Variants in RPE observed in about 807,000 individuals in gnomAD.
RPE encodes the protein ribulose-phosphate 3-epimerase.
A neutral mutation model predicts 24.6 loss-of-function variants in RPE; 16 were observed. The ratio of observed to expected loss-of-function variants is 0.65; its 90% confidence interval spans 0.44 to 0.99. The LOEUF is 0.99. Among genes scored for constraint, RPE ranks in the 50% least tolerant of loss-of-function variants. The probability of loss-of-function intolerance (pLI) is 0.00; values close to 1 mark genes in which losing one functional copy is unlikely to be tolerated. For synonymous variants in RPE, 93 were observed against 98.4 expected (o/e 0.94, Z 0.33); for missense variants, 240 against 294.5 (o/e 0.81, Z 1.35).
intron 1 of RPE, chr2:210,003,585 C>T: frequency 2.0e-6 from 1 of 498,950 alleles, no homozygotes; most frequent in Non-Finnish European, 3.3e-6. Context: ...AGTAAGACTC[C>T]CTCAAGATTA....
At chr2:210,004,153 C>G (rs2093599759) in intron 1 of RPE, among the ~76,000 whole-genome samples, 1 of 152,152 alleles carries the variant, frequency 6.6e-6, no homozygotes, top group Non-Finnish European at 1.5e-5. Flanking sequence ...GAGAAAATAC[C>G]TAGAGGGTCA....
intron 2 of RPE, among the ~76,000 whole-genome samples, chr2:210,015,188 T>C (rs1022738714): frequency 2.6e-5 from 4 of 152,228 alleles, no homozygotes; most frequent in Non-Finnish European, 5.9e-5. Context: ...TGGAGGATCC[T>C]CTTATCCTCC....
intron 5 of RPE, chr2:210,018,514 T>C: frequency 1.0e-6 from 1 of 985,270 alleles, no homozygotes. Context: ...CACAGTGTGA[T>C]GTATCTACTT....
At chr2:210,010,104 CT>C (rs2093681093) in intron 2 of RPE, among the ~76,000 whole-genome samples, 1 of 152,206 alleles carries the variant, frequency 6.6e-6, no homozygotes. Flanking sequence ...ACTATAAACT[CT>C]CTGAGGGCGG....
At chr2:210,017,730 ATGCTTTTTTTT>A (rs1283606271) in intron 5 of RPE, 171 bp downstream of exon 5, 158 of 376,442 alleles carry the variant, frequency 4.2e-4, no homozygotes, top group South Asian at 4.1e-3. Flanking sequence ...ATAAGTGGAT[ATGCTTTTTTTT>A]TTTTTTTTTT....
At position 210,019,775 on chromosome 2, in the gene RPE, G is replaced by A. The variant is rs761144786; in HGVS notation, c.671G>A (p.Arg224His). ...RNVCSEAAQK[R>H]SLDR Reference sequence around the variant, plus strand: ...GTTTGCTCAGAAGCTGCTCAGAAACGTTCTCTTGATCGGTGAAACCATAAG... The same window carrying A: ...GTTTGCTCAGAAGCTGCTCAGAAACATTCTCTTGATCGGTGAAACCATAAG... The change falls in exon 6 of 6, where the codon CGT (arginine) becomes CAT (histidine). Residue 224 changes from arginine (R) to histidine (H), a missense_variant. Physicochemically the swap from Arg to His is conservative, Grantham distance 29. Coordinates refer to ENST00000359429, the MANE Select transcript of RPE (RefSeq NM_199229.3). The A allele has an allele frequency of 6.2e-7, 1 of 1,612,572 alleles. No individual in the cohort carries two copies. Among genetic ancestry groups the A allele is most frequent in the Non-Finnish European group, 8.5e-7 (1 of 1,179,078 alleles).
chr2:210,009,020 C>A (rs1461061287), intron 1 of RPE, among the ~76,000 whole-genome samples: 2 of 152,132 alleles, frequency 1.3e-5, no homozygotes, highest in South Asian at 2.1e-4. Flanking sequence ...GAATCCACTT[C>A]CACAAATTAT....
At chr2:210,012,694 A>G (rs1369046761) in intron 2 of RPE, among the ~76,000 whole-genome samples, 10 of 152,246 alleles carry the variant, frequency 6.6e-5, no homozygotes. Context: ...CATTTAAAAA[A>G]TATTAACTAA....
At chr2:210,003,363 C>T (rs964100089) in intron 1 of RPE, 8 of 822,168 alleles carry the variant, frequency 9.7e-6, no homozygotes, top group Non-Finnish European at 1.4e-5. Context: ...CAGTGCCTGG[C>T]GTATATTAAG....
chr2:210,003,854 A>C (rs1043010858), intron 1 of RPE, among the ~76,000 whole-genome samples: 1 of 152,144 alleles, frequency 6.6e-6, no homozygotes, highest in Non-Finnish European at 1.5e-5. Flanking sequence ...CCATTGCTCT[A>C]TGTGGTTAAA....
chr2:210,017,825 A>G (rs2093798731), intron 5 of RPE: 1 of 597,878 alleles, frequency 1.7e-6, no homozygotes, highest in Non-Finnish European at 3.0e-6. Flanking sequence ...GCTCACTGCA[A>G]TCTCTGCCTG....
At chr2:210,006,178 C>G (rs2093628301) in intron 1 of RPE, among the ~76,000 whole-genome samples, 5 of 152,162 alleles carry the variant, frequency 3.3e-5, no homozygotes. Context: ...TGAAGTTTCT[C>G]TCTGTTAAGT....
At chr2:210,012,681 T>C (rs886815432) in intron 2 of RPE, among the ~76,000 whole-genome samples, 3 of 152,230 alleles carry the variant, frequency 2.0e-5, no homozygotes, top group Admixed American at 2.0e-4. Flanking sequence ...GCTATTTTAA[T>C]GACATTTAAA....
At chr2:210,015,198 C>T (rs2093753789) in intron 2 of RPE, among the ~76,000 whole-genome samples, 1 of 152,172 alleles carries the variant, frequency 6.6e-6, no homozygotes, top group Non-Finnish European at 1.5e-5. Flanking sequence ...TCTTATCCTC[C>T]ACATCTCATC....
intron 3 of RPE, 23 bp from the exon 4 acceptor site, chr2:210,016,484 T>C (rs748522763): frequency 5.0e-6 from 8 of 1,614,034 alleles, no homozygotes; most frequent in South Asian, 3.3e-5. Flanking sequence ...AAATGTGATA[T>C]AGCATATTTG....
At position 210,021,267 on chromosome 2, in the gene RPE, C is replaced by A. The variant is rs1301096175; in HGVS notation, c.*1476C>A. 1.3e-5 allele frequency: 2 copies of A among 151,932 alleles called. No homozygotes were observed. The highest frequency in any genetic ancestry group is 2.9e-5 in the Non-Finnish European group (2 of 67,914). 9.4% of individuals were successfully genotyped at this position (151,932 alleles called of 1,614,324 possible). A position where few individuals can be genotyped will look rare whatever the true frequency, so the allele number is the denominator to read the frequency against. On this transcript the variant is annotated 3_prime_UTR_variant, in exon 6 of 6. Coordinates refer to ENST00000359429, the MANE Select transcript of RPE (RefSeq NM_199229.3). Reference sequence around the variant, plus strand: ...ACTATAAGTTTTGAGAAATAAGGTTCAAAAAATAAGAATGCTAACACTTAA... The same window carrying A: ...ACTATAAGTTTTGAGAAATAAGGTTAAAAAAATAAGAATGCTAACACTTAA...
intron 1 of RPE, among the ~76,000 whole-genome samples, chr2:210,005,101 C>G (rs939603554): frequency 4.6e-5 from 7 of 152,116 alleles, no homozygotes; most frequent in East Asian, 1.9e-4. Flanking sequence ...TCACCAGATT[C>G]AGCAGAGCCT....
At chr2:210,016,413 T>G (rs2093772944) in intron 3 of RPE, 94 bp from the exon 4 acceptor site, 2 of 1,578,976 alleles carry the variant, frequency 1.3e-6, no homozygotes, top group Non-Finnish European at 1.7e-6. Flanking sequence ...TTTTAAAAAA[T>G]AAGAACAGAT....
At chr2:210,009,767 A>G (rs1575303920) in intron 2 of RPE, 31 bp downstream of exon 2, 1 of 1,613,844 alleles carries the variant, frequency 6.2e-7, no homozygotes, top group Non-Finnish European at 8.5e-7. Flanking sequence ...CTGAAGCTGG[A>G]TGTGTTGCTC....
Sources: gnomAD v4.1 joint callset for allele counts (sites outside exome capture counted in the v4.1 genomes callset) on GRCh38, gnomAD v4.1.1 for gene constraint, MANE v1.5 for transcripts, NCBI Gene and HGNC (gene_info 2026-07-23, HGNC 2026-07-21) for gene names.